Variants in EML6 observed in about 807,000 individuals in gnomAD.
The protein encoded by EML6 is echinoderm microtubule-associated protein-like 6.
A neutral mutation model predicts 240.1 loss-of-function variants in EML6; 154 were observed. The ratio of observed to expected loss-of-function variants is 0.64; its 90% confidence interval spans 0.56 to 0.73. EML6 has a LOEUF of 0.73. Ranked by LOEUF, EML6 falls within the 30% of genes least tolerant of loss-of-function variation. EML6 has a pLI of 0.00. For synonymous variants in EML6, 1,148 were observed against 899.0 expected (o/e 1.28, Z -4.95); for missense variants, 2,964 against 2,474.6 (o/e 1.20, Z -4.20).
At chr2:54,820,319 G>A (rs1668273586) in intron 4 of EML6, 75 bp from the exon 5 acceptor site, 2 of 806,170 alleles carry the variant, frequency 2.5e-6, no homozygotes, top group South Asian at 3.2e-5. Flanking sequence ...TAGAGTCTTG[G>A]CAATTGGACT....
At chr2:54,890,094 T>C (rs770461513) in intron 17 of EML6, among the ~76,000 whole-genome samples, 34 of 152,208 alleles carry the variant, frequency 2.2e-4, no homozygotes, top group Non-Finnish European at 4.4e-4. Context: ...TTTTAAATCA[T>C]GGGTGACTGT....
At chr2:54,837,628 G>A (rs1669224034) in intron 7 of EML6, among the ~76,000 whole-genome samples, 1 of 152,190 alleles carries the variant, frequency 6.6e-6, no homozygotes, top group African/African-American at 2.4e-5. Flanking sequence ...TTGCCAGCAT[G>A]TGACTGAAGA....
chr2:54,803,029 C>T (rs1670264849), intron 2 of EML6, among the ~76,000 whole-genome samples: 1 of 152,114 alleles, frequency 6.6e-6, no homozygotes, highest in Non-Finnish European at 1.5e-5. Flanking sequence ...CTTTCCTGCC[C>T]ACTTACTCCT....
intron 28 of EML6, among the ~76,000 whole-genome samples, chr2:54,935,107 AT>A (rs1163870630): frequency 6.6e-6 from 1 of 152,132 alleles, no homozygotes; most frequent in Non-Finnish European, 1.5e-5. Context: ...ATGGTTTGGT[AT>A]TGGCATTGCT....
chr2:54,798,944 CATTCT>C (rs1003361497), intron 2 of EML6, among the ~76,000 whole-genome samples: 52 of 152,276 alleles, frequency 3.4e-4, no homozygotes, highest in African/African-American at 1.2e-3. Flanking sequence ...TGGGAATTTC[CATTCT>C]ATTCTTAATT....
intron 9 of EML6, among the ~76,000 whole-genome samples, 199 bp from the exon 10 acceptor site, chr2:54,849,763 C>T (rs1227114723): frequency 1.3e-5 from 2 of 152,230 alleles, no homozygotes; most frequent in Non-Finnish European, 2.9e-5. Context: ...GCTGGGATTA[C>T]AGGCGTAAGC....
rs59560622 is a variant in EML6, at chr2:54,954,604, A to AT, written c.4486+458dup. Among the ~76,000 whole-genome samples the AT allele has an allele frequency of 2.2e-3, 338 of 151,242 alleles. 2 individuals carry two copies. The highest frequency in any genetic ancestry group is 6.7e-3 in the African/African-American group (275 of 41,270). On this transcript the variant is annotated intron_variant, in intron 32 of 41. Transcript: ENST00000356458. ...TTATCATAGTCTCAGAAACATTTAA[A>AT]TTTTTTTTTTAACATTTTAACACTT...
chr2:54,797,006 T>C lies in EML6; in HGVS notation c.198-16226T>C, dbSNP rs557529397. On this transcript the variant is annotated intron_variant, in intron 2 of 41. Transcript: ENST00000356458. ...GTGAAACCTGGTCTCTACTTAAAAA[T>C]ACAAAAAAATTAGCGGGGCCTAGTG... Among the ~76,000 whole-genome samples the C allele has an allele frequency of 5.3e-5, 8 of 151,032 alleles. No homozygotes were observed. The East Asian group carries it at 1.6e-3, about 29-fold the overall frequency.
intron 2 of EML6, among the ~76,000 whole-genome samples, chr2:54,788,947 A>G (rs1669243764): frequency 6.6e-6 from 1 of 152,164 alleles, no homozygotes; most frequent in Non-Finnish European, 1.5e-5. Context: ...TTGGCTTTCT[A>G]TTCCCTTCTC....
chr2:54,806,775 T>C (rs562380686), intron 2 of EML6, among the ~76,000 whole-genome samples: 1 of 152,270 alleles, frequency 6.6e-6, no homozygotes, highest in African/African-American at 2.4e-5. Flanking sequence ...TTAGGATTTA[T>C]TAAGTACTCA....
chr2:54,959,015 A>G, intron 33 of EML6, 89 bp from the exon 34 acceptor site: 1 of 1,264,690 alleles, frequency 7.9e-7, no homozygotes, highest in Non-Finnish European at 1.1e-6. Context: ...CTGCATCTCT[A>G]GCTCTGGTTC....
At chr2:54,865,717 C>A (rs893062656) in intron 13 of EML6, among the ~76,000 whole-genome samples, 2 of 152,160 alleles carry the variant, frequency 1.3e-5, no homozygotes, top group African/African-American at 4.8e-5. Context: ...CATTTCTGAT[C>A]CCAAACATTT....
chr2:54,825,733 G>A (rs576836896), intron 5 of EML6, among the ~76,000 whole-genome samples: 22 of 152,036 alleles, frequency 1.4e-4, no homozygotes, highest in Admixed American at 9.2e-4. Context: ...CCCCTGCCAC[G>A]CACACACATA....
chr2:54,892,555 G>A lies in EML6; in HGVS notation c.2641G>A (p.Gly881Arg). The change falls in exon 19 of 42, where the codon GGA (glycine) becomes AGA (arginine). Residue 881 changes from glycine to arginine, a missense_variant. Transcript: ENST00000356458. ...ACGAATGGAAGATCTAGTGTTCTCA[G>A]GAGCAGCTACTGGAGATATTTTTAT... ...YGRMEDLVFS[G>R]AATGDIFIWK... 1 of 1,551,364 alleles carries A rather than the reference G, an allele frequency of 6.4e-7. No homozygotes were observed. Among genetic ancestry groups the A allele is most frequent in the Non-Finnish European group, 8.7e-7 (1 of 1,146,656 alleles).
At chr2:54,905,938 C>T (rs1334741983) in intron 24 of EML6, among the ~76,000 whole-genome samples, 2 of 152,124 alleles carry the variant, frequency 1.3e-5, no homozygotes, top group Non-Finnish European at 2.9e-5. Context: ...TGAGGGGCAC[C>T]TGTGTGGCTG....
At chr2:54,949,249 GTCCCACTCAGACCCTCAGCATCCCT>G (rs1337348100) in intron 29 of EML6, among the ~76,000 whole-genome samples, 1 of 152,044 alleles carries the variant, frequency 6.6e-6, no homozygotes, top group Non-Finnish European at 1.5e-5. Flanking sequence ...CCTCCACTTG[GTCCCACTCAGACCCTCAGCATCCCT>G]TCCATGGAGA....
intron 5 of EML6, among the ~76,000 whole-genome samples, chr2:54,821,352 C>T (rs901763487): frequency 6.6e-5 from 10 of 152,010 alleles, no homozygotes; most frequent in African/African-American, 2.4e-4. Context: ...GGAAGACTTA[C>T]CTAAAGAATG....
chr2:54,755,087 A>G (rs1477246015), intron 2 of EML6, among the ~76,000 whole-genome samples: 2 of 152,298 alleles, frequency 1.3e-5, no homozygotes, highest in South Asian at 2.1e-4. Context: ...ATGATTAGCA[A>G]TTTGTTTTTT....
chr2:54,866,330 T>G (rs535511163), intron 13 of EML6, among the ~76,000 whole-genome samples: 5 of 152,310 alleles, frequency 3.3e-5, no homozygotes, highest in African/African-American at 1.2e-4. Context: ...GTATCTCAGA[T>G]CTGTTAAGAT....
Sources: allele counts gnomAD v4.1 joint callset (sites outside exome capture counted in the v4.1 genomes callset), GRCh38; gene constraint gnomAD v4.1.1; transcripts MANE v1.5; gene names NCBI Gene and HGNC (gene_info 2026-07-23, HGNC 2026-07-21).